The following PAK3 variants were observed in gnomAD, a reference collection of about 807,000 sequenced individuals.
The protein encoded by PAK3 is serine/threonine-protein kinase PAK 3.
PAK3 carries 4 observed loss-of-function variants against 41.0 expected under a neutral mutation model. The ratio of observed to expected loss-of-function variants is 0.10; its 90% CI spans 0.05 to 0.22. The LOEUF (loss-of-function observed/expected upper bound fraction) is 0.22. PAK3 is among the 10% of genes least tolerant of loss of function. The pLI, the probability that PAK3 is intolerant of heterozygous loss-of-function variation, is 1.00. For missense variants in PAK3, 205 were observed against 409.9 expected (o/e 0.50, Z 4.32); for synonymous variants, 146 against 139.6 (o/e 1.05, Z -0.32).
At chrX:110,950,129 A>G (rs912013838) in intron 1 of PAK3, among the ~76,000 whole-genome samples, 2 of 111,469 alleles carry the variant, frequency 1.8e-5, no homozygotes, top group East Asian at 5.7e-4. Context: ...CTTCTTGTTT[A>G]CAAAAGCATT....
At chrX:111,083,450 C>CA (rs2092851697) in intron 1 of PAK3, among the ~76,000 whole-genome samples, 1 of 111,885 alleles carries the variant, frequency 8.9e-6, no homozygotes, top group Non-Finnish European at 1.9e-5. Flanking sequence ...CTTGAGGAGG[C>CA]TCAAATCATT....
At chrX:111,200,177 T>G (rs763061587) in intron 16 of PAK3, among the ~76,000 whole-genome samples, 24 of 111,765 alleles carry the variant, frequency 2.1e-4, no homozygotes, top group Non-Finnish European at 7.5e-5. Context: ...TTAAGTGTTT[T>G]CATATAAAGC....
intron 11 of PAK3, among the ~76,000 whole-genome samples, chrX:111,178,982 G>T (rs867299637): frequency 2.3e-3 from 217 of 95,004 alleles, no homozygotes; most frequent in Non-Finnish European, 3.5e-3. Flanking sequence ...TATATATATA[G>T]AGAGAGAGAT....
At chrX:110,969,071 G>A (rs2091141946) in intron 1 of PAK3, among the ~76,000 whole-genome samples, 1 of 101,960 alleles carries the variant, frequency 9.8e-6, no homozygotes, top group Non-Finnish European at 2.0e-5. Flanking sequence ...GGGATTAAAG[G>A]CATGTGCTAC....
chrX:111,031,719 C>G (rs1277807749), intron 1 of PAK3, among the ~76,000 whole-genome samples: 1 of 111,786 alleles, frequency 8.9e-6, no homozygotes, highest in Non-Finnish European at 1.9e-5. Context: ...GCCCTCTCTT[C>G]TTCTCAGGTG....
intron 1 of PAK3, among the ~76,000 whole-genome samples, chrX:111,027,132 T>C (rs2092281636): frequency 9.0e-6 from 1 of 111,322 alleles, no homozygotes; most frequent in South Asian, 3.8e-4. Context: ...AACTGGATTC[T>C]CATCTCACGC....
chrX:111,041,026 G>A (rs1218097932), intron 1 of PAK3, among the ~76,000 whole-genome samples: 1 of 112,421 alleles, frequency 8.9e-6, no homozygotes, highest in African/African-American at 3.2e-5. Flanking sequence ...CCTGTATCAC[G>A]ATATAGCTCC....
At chrX:110,977,002 A>C (rs1030276003) in intron 1 of PAK3, among the ~76,000 whole-genome samples, 4 of 110,362 alleles carry the variant, frequency 3.6e-5, no homozygotes, top group African/African-American at 1.3e-4. Context: ...AGAAATATCT[A>C]ATGTAAATGA....
At chrX:111,038,655 A>C (rs1332700794) in intron 1 of PAK3, among the ~76,000 whole-genome samples, 1 of 112,129 alleles carries the variant, frequency 8.9e-6, no homozygotes, top group East Asian at 2.8e-4. Context: ...TCTGTCATTT[A>C]CTAGCTGTGT....
At chrX:111,217,864 G>A (rs971351400) in intron 17 of PAK3, among the ~76,000 whole-genome samples, 5 of 112,097 alleles carry the variant, frequency 4.5e-5, no homozygotes, top group African/African-American at 6.5e-5. Flanking sequence ...AAGGATAATT[G>A]AAGGTGTAGG....
At chrX:111,204,874 C>CTTTTT (rs2094723010) in intron 16 of PAK3, among the ~76,000 whole-genome samples, 2 of 57,108 alleles carry the variant, frequency 3.5e-5, no homozygotes, top group Admixed American at 1.9e-4. Context: ...CTTTCCTTTG[C>CTTTTT]TTTGTTTTTT....
chrX:111,203,827 G>C (rs1360007920), intron 16 of PAK3, among the ~76,000 whole-genome samples: 1 of 111,851 alleles, frequency 8.9e-6, no homozygotes, highest in Non-Finnish European at 1.9e-5. Flanking sequence ...ATTAAAGTCA[G>C]ACATAAACTT....
chrX:111,112,886 C>T (rs2093400317), intron 4 of PAK3, among the ~76,000 whole-genome samples: 1 of 111,553 alleles, frequency 9.0e-6, no homozygotes, highest in South Asian at 3.8e-4. Flanking sequence ...TAATAAATTT[C>T]CCCAAAGAGA....
At chrX:111,102,583 A>G (rs1208483536) in intron 3 of PAK3, among the ~76,000 whole-genome samples, 1 of 111,906 alleles carries the variant, frequency 8.9e-6, no homozygotes, top group Non-Finnish European at 1.9e-5. Flanking sequence ...GATGAACTGA[A>G]CTGAACTGAA....
At chrX:111,171,200 C>T (rs755583500) in intron 10 of PAK3, among the ~76,000 whole-genome samples, 60 of 111,224 alleles carry the variant, frequency 5.4e-4, no homozygotes, top group African/African-American at 1.9e-3. Context: ...AGTATGAATA[C>T]GAGTGACAAC....
At chrX:111,103,956 A>G (rs768458055) in intron 4 of PAK3, among the ~76,000 whole-genome samples, 21 of 111,817 alleles carry the variant, frequency 1.9e-4, no homozygotes, top group Admixed American at 1.6e-3. Flanking sequence ...TTTCTGGAGT[A>G]TTCATCTTAC....
chrX:111,086,968 T>G (rs1328580127), intron 1 of PAK3, among the ~76,000 whole-genome samples: 1 of 111,617 alleles, frequency 9.0e-6, no homozygotes, highest in Admixed American at 9.5e-5. Flanking sequence ...AGAGTGGCGC[T>G]TTAAAAACGT....
intron 3 of PAK3, among the ~76,000 whole-genome samples, chrX:111,098,180 T>C (rs899955515): frequency 6.4e-5 from 7 of 110,168 alleles, no homozygotes; most frequent in Non-Finnish European, 1.3e-4. Flanking sequence ...TTTGCTGAGG[T>C]CTTGGGAGAG....
chrX:111,174,419 T>G (rs1398640999), intron 11 of PAK3, among the ~76,000 whole-genome samples: 1 of 111,315 alleles, frequency 9.0e-6, no homozygotes, highest in Non-Finnish European at 1.9e-5. Context: ...ATTCTTCCAG[T>G]CAAAACCATA....
Sources: gnomAD v4.1 joint callset for allele counts (sites outside exome capture counted in the v4.1 genomes callset) on GRCh38, gnomAD v4.1.1 for gene constraint, MANE v1.5 for transcripts, NCBI Gene and HGNC (gene_info 2026-07-23, HGNC 2026-07-21) for gene names.